GRM7: variants seen among roughly 807,000 people sequenced by gnomAD.
GRM7 encodes the protein glutamate metabotropic receptor 7.
In GRM7, 35 loss-of-function variants were observed where a neutral mutation model predicts 84.5. The observed-to-expected ratio is 0.41, with a 90% confidence interval of 0.32 to 0.55. The LOEUF (loss-of-function observed/expected upper bound fraction) is 0.55, where lower values mean the gene tolerates loss of function less well. Ranked by LOEUF, GRM7 falls within the 20% of genes least tolerant of loss-of-function variation. The pLI is 0.19. For missense variants in GRM7, 1,003 were observed against 1,194.6 expected, an observed-to-expected ratio of 0.84 and a Z score of 2.36; for synonymous variants, 487 against 455.1, an observed-to-expected ratio of 1.07 and a Z score of -0.89.
At chr3:7,642,145 A>C (rs1330467162) in intron 8 of GRM7, among the ~76,000 whole-genome samples, 1 of 152,142 alleles carries the variant, frequency 6.6e-6, no homozygotes, top group Non-Finnish European at 1.5e-5. Flanking sequence ...TGTACATAGA[A>C]ATTACCTGAG....
intron 2 of GRM7, among the ~76,000 whole-genome samples, chr3:7,181,519 C>A (rs1013915660): frequency 2.6e-5 from 4 of 152,144 alleles, no homozygotes; most frequent in Non-Finnish European, 5.9e-5. Flanking sequence ...ATTTTACAAG[C>A]TGTGACATTT....
intron 2 of GRM7, among the ~76,000 whole-genome samples, chr3:7,266,450 G>C (rs1006755474): frequency 1.3e-5 from 2 of 152,112 alleles, no homozygotes; most frequent in Admixed American, 6.5e-5. Context: ...TTTTTACAAG[G>C]CCACTCAAGT....
chr3:7,078,881 G>C (rs1434894893), intron 1 of GRM7, among the ~76,000 whole-genome samples: 1 of 151,346 alleles, frequency 6.6e-6, no homozygotes, highest in Non-Finnish European at 1.5e-5. Context: ...CTTTGCTGTG[G>C]TAAGTAGAGT....
intron 2 of GRM7, among the ~76,000 whole-genome samples, chr3:7,183,104 C>A (rs1246574536): frequency 6.6e-6 from 1 of 152,020 alleles, no homozygotes; most frequent in Non-Finnish European, 1.5e-5. Flanking sequence ...TGTTTCAAGA[C>A]ATTGTGGTTC....
intron 5 of GRM7, among the ~76,000 whole-genome samples, chr3:7,425,405 T>C (rs1696566387): frequency 6.6e-6 from 1 of 152,182 alleles, no homozygotes; most frequent in South Asian, 2.1e-4. Context: ...CAAGAGGGAA[T>C]TGTAGCCCTG....
chr3:7,240,293 T>C (rs1399090513), intron 2 of GRM7, among the ~76,000 whole-genome samples: 1 of 151,626 alleles, frequency 6.6e-6, no homozygotes, highest in Non-Finnish European at 1.5e-5. Flanking sequence ...AGGGCTTGCA[T>C]GGACTTGTGA....
At chr3:7,218,625 A>C (rs1284249757) in intron 2 of GRM7, among the ~76,000 whole-genome samples, 2 of 151,988 alleles carry the variant, frequency 1.3e-5, no homozygotes. Flanking sequence ...TAAAGCGATA[A>C]ATCATTTTAA....
At chr3:7,536,400 A>G (rs905053889) in intron 7 of GRM7, among the ~76,000 whole-genome samples, 4 of 152,192 alleles carry the variant, frequency 2.6e-5, no homozygotes, top group South Asian at 2.1e-4. Context: ...ATTTAATCCA[A>G]TGACTCCTAT....
intron 1 of GRM7, among the ~76,000 whole-genome samples, chr3:7,031,194 C>T (rs188387874): frequency 2.0e-5 from 3 of 152,086 alleles, no homozygotes; most frequent in Admixed American, 2.0e-4. Context: ...ATGCATTTCT[C>T]TCCTTGTTTT....
intron 1 of GRM7, among the ~76,000 whole-genome samples, chr3:6,981,865 G>A (rs1694219873): frequency 6.6e-6 from 1 of 152,168 alleles, no homozygotes; most frequent in African/African-American, 2.4e-5. Flanking sequence ...ATGTAAATTA[G>A]TTCAGCCACC....
At chr3:7,162,497 T>C (rs985641514) in intron 2 of GRM7, among the ~76,000 whole-genome samples, 1 of 152,030 alleles carries the variant, frequency 6.6e-6, no homozygotes, top group African/African-American at 2.4e-5. Context: ...AGATGATCAA[T>C]GGCTTTGAAA....
chr3:7,302,012 C>A (rs1236139195), intron 3 of GRM7, among the ~76,000 whole-genome samples: 2 of 152,012 alleles, frequency 1.3e-5, no homozygotes, highest in East Asian at 1.9e-4. Context: ...AGCGTGGATT[C>A]TTTTTCTAAA....
intron 7 of GRM7, among the ~76,000 whole-genome samples, chr3:7,551,172 T>G (rs931959452): frequency 6.6e-6 from 1 of 152,134 alleles, no homozygotes; most frequent in Non-Finnish European, 1.5e-5. Flanking sequence ...CTGTGGAAAA[T>G]AGAGGCAAGT....
chr3:7,276,469 G>A (rs554211027), intron 2 of GRM7, among the ~76,000 whole-genome samples: 8 of 151,732 alleles, frequency 5.3e-5, no homozygotes, highest in Admixed American at 1.3e-4. Context: ...ACTCTGTAAG[G>A]TACAAATTAG....
chr3:7,008,961 G>A (rs1178940515), intron 1 of GRM7, among the ~76,000 whole-genome samples: 3 of 152,134 alleles, frequency 2.0e-5, no homozygotes, highest in Non-Finnish European at 2.9e-5. Flanking sequence ...TAAAATGTAT[G>A]TGAGGCTCAG....
At chr3:7,417,014 C>G (rs1048710648) in intron 5 of GRM7, among the ~76,000 whole-genome samples, 3 of 152,032 alleles carry the variant, frequency 2.0e-5, no homozygotes, top group Admixed American at 6.6e-5. Context: ...GAGGCCACAC[C>G]TCTGACTTCT....
chr3:7,481,901 A>G (rs1083800), intron 7 of GRM7, among the ~76,000 whole-genome samples: 50,973 of 152,100 alleles, frequency 0.34, 8,770 homozygotes, highest in East Asian at 0.4. Flanking sequence ...AGAAATGAGT[A>G]TTTCAGCCGG....
At position 7,298,757 on chromosome 3, in the gene GRM7, T is replaced by G; in HGVS notation, c.810T>G (p.Ile270Met). The change falls in exon 3 of 10, where the codon ATT becomes ATG. Residue 270 changes from isoleucine to methionine, a missense_variant. Ile to Met is a conservative substitution (Grantham distance 10). Around this residue, in one of 2 missense-constraint regions of GRM7, gnomAD observed 910 missense variants for 1,126.0 expected, o/e 0.81. Transcript: ENST00000357716. The part of the protein sequence containing the change: ...RKDRTIDFDR[I>M]IKQLLDTPNS... ...ACAGGACCATTGACTTTGATAGAAT[T>G]ATCAAACAGCTCCTGGACACCCCCA... 3 of 1,613,720 alleles carry G rather than the reference T, an allele frequency of 1.9e-6. No homozygotes were observed. Among genetic ancestry groups the G allele is most frequent in the Non-Finnish European group, 2.5e-6 (3 of 1,179,672 alleles).
intron 1 of GRM7, among the ~76,000 whole-genome samples, chr3:6,926,823 G>T (rs1181609242): frequency 6.6e-6 from 1 of 152,148 alleles, no homozygotes; most frequent in East Asian, 1.9e-4. Flanking sequence ...CTTAATGTTG[G>T]TTCCATATTT....
Sources: gnomAD v4.1 joint callset for allele counts (sites outside exome capture counted in the v4.1 genomes callset) on GRCh38, gnomAD v4.1.1 for gene constraint, gnomAD v4.1.1 regional missense constraint, MANE v1.5 for transcripts, NCBI Gene and HGNC (gene_info 2026-07-23, HGNC 2026-07-21) for gene names.